SPATA13: variants seen among roughly 807,000 people sequenced by gnomAD.
SPATA13 encodes spermatogenesis-associated protein 13.
Under a neutral mutation model 104.0 loss-of-function variants are expected in SPATA13, and 50 were observed. The ratio of observed to expected loss-of-function variants is 0.48; its 90% CI spans 0.38 to 0.61. The LOEUF is 0.61. SPATA13 is among the 20% of genes least tolerant of loss of function. The pLI is 0.00. For missense variants in SPATA13, 1,524 were observed against 1,690.6 expected (o/e 0.90, Z 1.73); for synonymous variants, 606 against 667.5 (o/e 0.91, Z 1.42).
At chr13:24,098,033 G>T (rs1339480491) in intron 3 of SPATA13, among the ~76,000 whole-genome samples, 1 of 152,142 alleles carries the variant, frequency 6.6e-6, no homozygotes, top group Non-Finnish European at 1.5e-5. Context: ...GTGCAGGAAA[G>T]CTAATTATTT....
chr13:24,103,167 C>T (rs1002062497), intron 3 of SPATA13, among the ~76,000 whole-genome samples: 5 of 152,198 alleles, frequency 3.3e-5, no homozygotes, highest in African/African-American at 7.2e-5. Context: ...GTTCTGAATA[C>T]GTCAAAATGG....
chr13:24,190,558 A>G (rs994709927), intron 1 of SPATA13, among the ~76,000 whole-genome samples: 3 of 151,014 alleles, frequency 2.0e-5, no homozygotes, highest in African/African-American at 7.3e-5. Context: ...CCCCTCATGG[A>G]TGACTTTGAG....
chr13:24,156,026 A>C (rs1049949729), upstream of SPATA13, among the ~76,000 whole-genome samples: 2 of 152,090 alleles, frequency 1.3e-5, no homozygotes, highest in Non-Finnish European at 2.9e-5. Flanking sequence ...GTTCCTCTTT[A>C]AGGCTGAGTG....
At chr13:24,214,997 G>A (rs1351457718) in intron 1 of SPATA13, among the ~76,000 whole-genome samples, 3 of 152,172 alleles carry the variant, frequency 2.0e-5, no homozygotes, top group South Asian at 2.1e-4. Context: ...CATGTCCCTG[G>A]GATATTATAC....
chr13:24,177,496 AT>A (rs1868504614), intron 1 of SPATA13, among the ~76,000 whole-genome samples: 1 of 152,004 alleles, frequency 6.6e-6, no homozygotes, highest in Admixed American at 6.6e-5. Flanking sequence ...TTTAATTTTT[AT>A]TTTTTTAGAC....
At chr13:24,065,514 C>A (rs781475303) in intron 3 of SPATA13, among the ~76,000 whole-genome samples, 1 of 152,176 alleles carries the variant, frequency 6.6e-6, no homozygotes, top group Admixed American at 6.5e-5. Flanking sequence ...CCAGCCAACG[C>A]TGAGAACTCA....
intron 1 of SPATA13, among the ~76,000 whole-genome samples, chr13:24,176,741 T>C (rs2138516023): frequency 6.6e-6 from 1 of 152,304 alleles, no homozygotes; most frequent in Middle Eastern, 3.4e-3. Context: ...AATGAAATGA[T>C]TGATTAGCTA....
intron 3 of SPATA13, among the ~76,000 whole-genome samples, chr13:24,097,657 C>T (rs1880125669): frequency 6.6e-6 from 1 of 152,072 alleles, no homozygotes; most frequent in African/African-American, 2.4e-5. Flanking sequence ...GCCAAACTAC[C>T]AACAAAAACA....
chr13:24,062,364 ACTGACTGGGGG>A (rs1442707774), intron 3 of SPATA13, among the ~76,000 whole-genome samples: 1 of 152,182 alleles, frequency 6.6e-6, no homozygotes, highest in Non-Finnish European at 1.5e-5. Flanking sequence ...GAGGCCAGGG[ACTGACTGGGGG>A]CTGATCAGGA....
At chr13:24,229,704 A>T (rs538810068) in intron 2 of SPATA13, among the ~76,000 whole-genome samples, 127 of 151,406 alleles carry the variant, frequency 8.4e-4, no homozygotes, top group African/African-American at 2.6e-3. Flanking sequence ...CATGCTACTT[A>T]AAAAAAAAGC....
At chr13:24,283,031 C>T (rs9511179) in intron 4 of SPATA13, among the ~76,000 whole-genome samples, 27,433 of 152,152 alleles carry the variant, frequency 0.18, 2,576 homozygotes, top group Admixed American at 0.26. Flanking sequence ...TGTGTGCCCC[C>T]GATCTTTGCA....
At chr13:23,995,826 C>T (rs1440943114) in intron 2 of SPATA13, among the ~76,000 whole-genome samples, 1 of 151,288 alleles carries the variant, frequency 6.6e-6, no homozygotes, top group Admixed American at 6.6e-5. Flanking sequence ...GCCATGTTTC[C>T]TGAGAACTGG....
intron 1 of SPATA13, among the ~76,000 whole-genome samples, chr13:24,170,949 C>G (rs2138504980): frequency 6.6e-6 from 1 of 152,124 alleles, no homozygotes; most frequent in East Asian, 2.0e-4. Flanking sequence ...TGGCCAGTTA[C>G]ACTTGCATGG....
chr13:24,014,891 T>TTTTC (rs1481947330), intron 2 of SPATA13, among the ~76,000 whole-genome samples: 3 of 137,380 alleles, frequency 2.2e-5, no homozygotes, highest in Non-Finnish European at 4.7e-5. Context: ...TTTTTTTTTT[T>TTTTC]TTTTTTTTTT....
intron 2 of SPATA13, among the ~76,000 whole-genome samples, chr13:23,992,457 C>T (rs890287602): frequency 6.6e-5 from 10 of 152,124 alleles, no homozygotes; most frequent in African/African-American, 2.4e-4. Context: ...TGTGTCTGAT[C>T]GGTGGCAGGT....
At chr13:24,257,960 C>T (rs1873869976) in intron 4 of SPATA13, among the ~76,000 whole-genome samples, 1 of 152,264 alleles carries the variant, frequency 6.6e-6, no homozygotes, top group Non-Finnish European at 1.5e-5. Context: ...CTTTTGAAAA[C>T]GTGCTCTGAA....
At chr13:24,206,956 T>C (rs1870736791) in intron 1 of SPATA13, among the ~76,000 whole-genome samples, 1 of 150,966 alleles carries the variant, frequency 6.6e-6, no homozygotes, top group South Asian at 2.1e-4. Context: ...ATAGCAAAGA[T>C]ATGGAACCAA....
rs1875614433 is a variant in SPATA13 at position 23,995,057 on chromosome 13, T to C, written c.-147+11124T>C. Among the ~76,000 whole-genome samples the C allele has an allele frequency of 2.0e-5, 3 of 152,244 alleles. 1 individual carries two copies. The South Asian group carries it at 6.2e-4, about 32-fold the overall frequency. The stretch of plus-strand genomic sequence containing the variant: ...ACGTCTAGTGGGTAGAGGCCAGGGA[T>C]GCAGCTAAACATCTCACCATACACA... On this transcript the variant is annotated intron_variant, in intron 2 of 14. Coordinates refer to the SPATA13 transcript ENST00000424834.
At chr13:24,069,427 G>C (rs534252653) in intron 3 of SPATA13, among the ~76,000 whole-genome samples, 1 of 152,260 alleles carries the variant, frequency 6.6e-6, no homozygotes, top group South Asian at 2.1e-4. Flanking sequence ...TGGCTTCACT[G>C]TTTTGGTATG....
Sources: gnomAD v4.1 joint callset for allele counts (sites outside exome capture counted in the v4.1 genomes callset) on GRCh38, gnomAD v4.1.1 for gene constraint, MANE v1.5 for transcripts, NCBI Gene and HGNC (gene_info 2026-07-23, HGNC 2026-07-21) for gene names.